Variants in PRKN observed in about 807,000 individuals in gnomAD.
The protein encoded by PRKN is E3 ubiquitin-protein ligase parkin.
Under a neutral mutation model 59.5 loss-of-function variants are expected in PRKN, and 56 were observed. The ratio of observed to expected loss-of-function variants is 0.94; its 90% CI spans 0.76 to 1.18. PRKN has a LOEUF of 1.18. Ranked by LOEUF, PRKN falls within the 50% of genes most tolerant of loss-of-function variation. The probability of loss-of-function intolerance (pLI) is 0.00; values close to 1 mark genes in which losing one functional copy is unlikely to be tolerated. For synonymous variants in PRKN, 250 were observed against 222.1 expected, an observed-to-expected ratio of 1.13 and a Z score of -1.12; for missense variants, 657 against 596.4, an observed-to-expected ratio of 1.10 and a Z score of -1.06.
At chr6:161,537,546 G>A (rs566656360) in intron 9 of PRKN, among the ~76,000 whole-genome samples, 1 of 151,648 alleles carries the variant, frequency 6.6e-6, no homozygotes, top group Non-Finnish European at 1.5e-5. Context: ...CTGCCTCCCA[G>A]GTTCACACCA....
At chr6:162,210,946 AT>A (rs1436940301) in intron 3 of PRKN, among the ~76,000 whole-genome samples, 2 of 152,218 alleles carry the variant, frequency 1.3e-5, no homozygotes, top group African/African-American at 2.4e-5. Flanking sequence ...TTAAATTTGC[AT>A]CCACTCTTCT....
intron 6 of PRKN, among the ~76,000 whole-genome samples, chr6:161,971,183 A>G (rs1315250104): frequency 6.6e-6 from 1 of 152,192 alleles, no homozygotes; most frequent in African/African-American, 2.4e-5. Context: ...TTTTCCAGCA[A>G]TTATCACCCT....
At chr6:162,714,853 C>A (rs768418026) in intron 1 of PRKN, among the ~76,000 whole-genome samples, 1 of 152,144 alleles carries the variant, frequency 6.6e-6, no homozygotes, top group African/African-American at 2.4e-5. Flanking sequence ...CATAGAGTAA[C>A]CACTTTTAAA....
chr6:162,060,907 T>C (rs1778076093), intron 4 of PRKN, among the ~76,000 whole-genome samples: 2 of 152,224 alleles, frequency 1.3e-5, no homozygotes, highest in South Asian at 4.1e-4. Flanking sequence ...TTCTCTTGAA[T>C]AATCCACAAA....
At chr6:161,729,228 T>C (rs1787575380) in intron 7 of PRKN, among the ~76,000 whole-genome samples, 1 of 152,180 alleles carries the variant, frequency 6.6e-6, no homozygotes, top group Non-Finnish European at 1.5e-5. Context: ...CTCTCCTATA[T>C]GCTTAGACAC....
chr6:162,465,001 C>A (rs1196787069), intron 1 of PRKN, among the ~76,000 whole-genome samples: 1 of 152,078 alleles, frequency 6.6e-6, no homozygotes, highest in Non-Finnish European at 1.5e-5. Context: ...GTGCTCAGGG[C>A]AAGCATCTAT....
At chr6:162,019,424 C>G (rs1274910310) in intron 5 of PRKN, among the ~76,000 whole-genome samples, 1 of 152,108 alleles carries the variant, frequency 6.6e-6, no homozygotes, top group Non-Finnish European at 1.5e-5. Context: ...CTCGGTGCAC[C>G]CTCAAGCTCA....
rs2115185911 is a variant in PRKN at position 161,468,820 on chromosome 6, TTGAAG to T, written c.1083+80029_1083+80033del. 6.6e-6 allele frequency among the ~76,000 whole-genome samples: 1 copy of T among 152,322 alleles called. No individual in the cohort carries two copies. Among genetic ancestry groups the T allele is most frequent in the East Asian group, 1.9e-4 (1 of 5,170 alleles). On this transcript the variant is annotated intron_variant, in intron 9 of 11. Transcript: ENST00000366898. The surrounding 1 kb of genome is among the most constrained non-coding windows in gnomAD (Gnocchi z 5.9). The stretch of plus-strand genomic sequence containing the variant: ...TGTGAAGTTGTCCTTGTGGCCACAG[TTGAAG>T]GCCCTCATGCTCACTGTCAGCCTAT...
At chr6:161,658,030 A>AAAAAAAAAAAAAAAAAAAAAAAAG (rs781518268) in intron 7 of PRKN, among the ~76,000 whole-genome samples, 15 of 104,896 alleles carry the variant, frequency 1.4e-4, no homozygotes, top group African/African-American at 2.8e-4. Flanking sequence ...AAAAAAAAAA[A>AAAAAAAAAAAAAAAAAAAAAAAAG]AAAAGAAAAG....
intron 6 of PRKN, among the ~76,000 whole-genome samples, chr6:161,911,604 C>A (rs1354114596): frequency 6.6e-6 from 1 of 152,024 alleles, no homozygotes; most frequent in Non-Finnish European, 1.5e-5. Context: ...ATCTGCTATT[C>A]AACATATCTT....
chr6:161,555,950 C>T (rs1256347312), intron 8 of PRKN, among the ~76,000 whole-genome samples: 1 of 152,084 alleles, frequency 6.6e-6, no homozygotes, highest in Non-Finnish European at 1.5e-5. Flanking sequence ...AAATAAGTTG[C>T]TCTTAAGTAA....
chr6:162,375,464 T>C (rs1157331375), intron 2 of PRKN, among the ~76,000 whole-genome samples: 1 of 151,776 alleles, frequency 6.6e-6, no homozygotes, highest in Admixed American at 6.6e-5. Flanking sequence ...CTTAACATGG[T>C]TTAATAAACA....
intron 1 of PRKN, among the ~76,000 whole-genome samples, chr6:162,577,647 T>C (rs945887498): frequency 2.6e-5 from 4 of 151,636 alleles, no homozygotes; most frequent in Admixed American, 6.6e-5. Context: ...TTGGCAAAAA[T>C]GGGCCAGGCA....
chr6:162,539,297 C>T (rs1024467029), intron 1 of PRKN, among the ~76,000 whole-genome samples: 1 of 152,044 alleles, frequency 6.6e-6, no homozygotes, highest in South Asian at 2.1e-4. Flanking sequence ...CTATAATTTT[C>T]ATCTCATCAA....
chr6:161,801,669 G>A (rs58803073), intron 6 of PRKN, among the ~76,000 whole-genome samples: 3,467 of 152,218 alleles, frequency 0.023, 143 homozygotes, highest in African/African-American at 0.08. Context: ...ACGGGCCTTA[G>A]ATCAGCCGGT....
chr6:162,711,612 A>C (rs1778541567), intron 1 of PRKN, among the ~76,000 whole-genome samples: 1 of 152,196 alleles, frequency 6.6e-6, no homozygotes, highest in Non-Finnish European at 1.5e-5. Context: ...AAGCAGCCGT[A>C]GCTAATGCCA....
intron 1 of PRKN, among the ~76,000 whole-genome samples, chr6:162,467,492 C>T (rs555775233): frequency 5.9e-5 from 9 of 152,236 alleles, no homozygotes; most frequent in South Asian, 4.2e-4. Context: ...ATTTAGCGAT[C>T]GTCATCAGTG....
chr6:161,659,040 T>C (rs1003047497), intron 7 of PRKN, among the ~76,000 whole-genome samples: 3 of 152,220 alleles, frequency 2.0e-5, no homozygotes, highest in Non-Finnish European at 4.4e-5. Flanking sequence ...TTAGTACATG[T>C]TTAACTGCCC....
At chr6:162,308,066 A>C (rs1346279237) in intron 2 of PRKN, among the ~76,000 whole-genome samples, 1 of 152,126 alleles carries the variant, frequency 6.6e-6, no homozygotes, top group African/African-American at 2.4e-5. Context: ...AAAGGATGCA[A>C]ATGCATGGGT....
Sources: allele counts gnomAD v4.1 joint callset (sites outside exome capture counted in the v4.1 genomes callset), GRCh38; gene constraint gnomAD v4.1.1; non-coding constraint Gnocchi (gnomAD v3.1); transcripts MANE v1.5; gene names NCBI Gene and HGNC (gene_info 2026-07-23, HGNC 2026-07-21).